The following TRPC4 variants were observed in gnomAD, a reference collection of about 807,000 sequenced individuals.
TRPC4 encodes the protein short transient receptor potential channel 4.
A neutral mutation model predicts 99.4 loss-of-function variants in TRPC4; 49 were observed. The observed-to-expected ratio is 0.49, with a 90% CI of 0.39 to 0.63. The LOEUF (loss-of-function observed/expected upper bound fraction) is 0.63, where lower values mean the gene tolerates loss of function less well. Among genes scored for constraint, TRPC4 ranks in the 20% least tolerant of loss-of-function variants. The probability of loss-of-function intolerance (pLI) is 0.00; values close to 1 mark genes in which losing one functional copy is unlikely to be tolerated. For missense variants in TRPC4, 898 were observed against 1,152.9 expected (o/e 0.78, Z 3.20); for synonymous variants, 454 against 425.9 (o/e 1.07, Z -0.81).
intron 6 of TRPC4, among the ~76,000 whole-genome samples, chr13:37,657,095 T>TA (rs750201424): frequency 6.6e-6 from 1 of 152,196 alleles, no homozygotes; most frequent in Non-Finnish European, 1.5e-5. Context: ...TTTAAAAAGG[T>TA]AAAAAATTTC....
chr13:37,746,237 G>C lies in TRPC4; in HGVS notation c.597C>G (p.Ile199Met). The change falls in exon 3 of 11, where the codon ATC becomes ATG. Residue 199 changes from isoleucine to methionine, a missense_variant. Physicochemically the swap from Ile to Met is conservative, Grantham distance 10. Around this residue, in one of 3 missense-constraint regions of TRPC4, gnomAD observed 278 missense variants for 346.6 expected, o/e 0.80. Transcript: ENST00000379705. Reference sequence around the variant, plus strand: ...GAGAGGGACTGGCCAAGGCCTTGTAGATGTTGAGTCTGGAGCGTGAGTGAC... The same window carrying C: ...GAGAGGGACTGGCCAAGGCCTTGTACATGTTGAGTCTGGAGCGTGAGTGAC... ...SLRHSRSRLN[I>M]YKALASPSLI... is the part of the protein sequence containing the mutation. 1 of 1,613,846 alleles carries C rather than the reference G, an allele frequency of 6.2e-7. No homozygotes were observed. Among genetic ancestry groups the C allele is most frequent in the Middle Eastern group, 1.7e-4 (1 of 6,054 alleles).
At chr13:37,732,257 GATAA>G (rs1298044305) in intron 3 of TRPC4, among the ~76,000 whole-genome samples, 1 of 152,116 alleles carries the variant, frequency 6.6e-6, no homozygotes, top group Non-Finnish European at 1.5e-5. Context: ...AGTCTAACCT[GATAA>G]ATGAGGGGAA....
intron 1 of TRPC4, among the ~76,000 whole-genome samples, chr13:37,823,447 T>C (rs1294390689): frequency 7.0e-6 from 1 of 142,414 alleles, no homozygotes; most frequent in African/African-American, 2.6e-5. Flanking sequence ...TTGATTTTTG[T>C]ATAAGGTGTA....
intron 2 of TRPC4, among the ~76,000 whole-genome samples, chr13:37,751,099 C>A (rs1462979570): frequency 6.6e-6 from 1 of 152,044 alleles, no homozygotes; most frequent in Non-Finnish European, 1.5e-5. Context: ...CCTCCACCTG[C>A]TAACCGGTTC....
chr13:37,803,490 T>C (rs1393149606), intron 1 of TRPC4, among the ~76,000 whole-genome samples: 4 of 152,106 alleles, frequency 2.6e-5, no homozygotes. Context: ...CTCCAGTCTA[T>C]CACTACAGGG....
chr13:37,812,720 T>C (rs577045021), intron 1 of TRPC4, among the ~76,000 whole-genome samples: 137 of 152,188 alleles, frequency 9.0e-4, no homozygotes, highest in Non-Finnish European at 1.6e-3. Context: ...AAAAAGATGT[T>C]TTCCAAATTT....
chr13:37,817,158 C>T (rs1957879281), intron 1 of TRPC4, among the ~76,000 whole-genome samples: 2 of 151,928 alleles, frequency 1.3e-5, no homozygotes, highest in African/African-American at 2.4e-5. Context: ...TAAGCTGATA[C>T]ACAACTTCCG....
chr13:37,855,640 CAAGTCTT>C (rs1959166923), intron 1 of TRPC4, among the ~76,000 whole-genome samples: 1 of 112,066 alleles, frequency 8.9e-6, no homozygotes, highest in Non-Finnish European at 2.2e-5. Flanking sequence ...AGTCACAAAA[CAAGTCTT>C]AAAACATTCA....
At chr13:37,680,147 G>A (rs147395632) in intron 4 of TRPC4, among the ~76,000 whole-genome samples, 93 of 152,310 alleles carry the variant, frequency 6.1e-4, no homozygotes, top group African/African-American at 2.1e-3. Context: ...AGAGTTATGT[G>A]CTTCAGAAGA....
chr13:37,785,885 A>G (rs895474156), intron 1 of TRPC4, among the ~76,000 whole-genome samples: 1 of 152,116 alleles, frequency 6.6e-6, no homozygotes, highest in Non-Finnish European at 1.5e-5. Flanking sequence ...ACTAATATCT[A>G]TTTCATTTAA....
intron 3 of TRPC4, among the ~76,000 whole-genome samples, chr13:37,694,869 C>A (rs189236366): frequency 1.3e-5 from 2 of 151,994 alleles, no homozygotes; most frequent in Non-Finnish European, 2.9e-5. Flanking sequence ...ATTGAAATAA[C>A]CCAAAAAGTA....
intron 1 of TRPC4, among the ~76,000 whole-genome samples, chr13:37,816,357 A>G (rs1957854326): frequency 6.6e-6 from 1 of 151,906 alleles, no homozygotes; most frequent in African/African-American, 2.4e-5. Flanking sequence ...AAAGATATTC[A>G]GGACCCAAAC....
At chr13:37,684,867 G>T (rs1282263759) in intron 4 of TRPC4, among the ~76,000 whole-genome samples, 1 of 147,452 alleles carries the variant, frequency 6.8e-6, no homozygotes, top group Non-Finnish European at 1.5e-5. Flanking sequence ...TGTCCTTGAA[G>T]AAAATAAATT....
chr13:37,775,225 A>G (rs1182370434), intron 2 of TRPC4, among the ~76,000 whole-genome samples: 2 of 151,736 alleles, frequency 1.3e-5, no homozygotes, highest in East Asian at 3.9e-4. Flanking sequence ...TGCATTATTA[A>G]TTTAATCAAA....
chr13:37,828,919 C>T (rs1376127202), intron 1 of TRPC4, among the ~76,000 whole-genome samples: 1 of 152,146 alleles, frequency 6.6e-6, no homozygotes, highest in East Asian at 1.9e-4. Context: ...TCACACAACA[C>T]ACAATTACCT....
intron 1 of TRPC4, among the ~76,000 whole-genome samples, chr13:37,862,236 T>C (rs1471337690): frequency 1.3e-5 from 2 of 151,410 alleles, no homozygotes; most frequent in East Asian, 3.9e-4. Flanking sequence ...ACTATAAAAG[T>C]GCCTTCTTAG....
intron 5 of TRPC4, among the ~76,000 whole-genome samples, chr13:37,671,415 G>T (rs1952836291): frequency 6.6e-6 from 1 of 151,904 alleles, no homozygotes; most frequent in Admixed American, 6.6e-5. Context: ...TCAATAACTT[G>T]TCCCATACCA....
chr13:37,803,570 T>G (rs1344258318), intron 1 of TRPC4, among the ~76,000 whole-genome samples: 1 of 152,128 alleles, frequency 6.6e-6, no homozygotes, highest in Non-Finnish European at 1.5e-5. Context: ...GAATAGTTAG[T>G]AGATATCAGA....
intron 2 of TRPC4, among the ~76,000 whole-genome samples, chr13:37,767,017 A>G (rs1400553396): frequency 6.6e-6 from 1 of 151,468 alleles, no homozygotes; most frequent in Non-Finnish European, 1.5e-5. Flanking sequence ...GATTATGAAT[A>G]CTGAAAGAAC....
Sources: allele counts gnomAD v4.1 joint callset (sites outside exome capture counted in the v4.1 genomes callset), GRCh38; gene constraint gnomAD v4.1.1; regional missense constraint gnomAD v4.1.1; transcripts MANE v1.5; gene names NCBI Gene and HGNC (gene_info 2026-07-23, HGNC 2026-07-21).